Variants in ASPM observed in about 807,000 individuals in gnomAD.
ASPM encodes the protein assembly factor for spindle microtubules.
In ASPM, 256 loss-of-function variants were observed where a neutral mutation model predicts 366.4. The ratio of observed to expected loss-of-function variants is 0.70; its 90% CI spans 0.63 to 0.77. The LOEUF is 0.77. Among genes scored for constraint, ASPM ranks in the 30% least tolerant of loss-of-function variants. The probability of loss-of-function intolerance (pLI) is 0.00; values close to 1 mark genes in which losing one functional copy is unlikely to be tolerated. For missense variants in ASPM, 4,146 were observed against 4,090.4 expected (o/e 1.01, Z -0.37); for synonymous variants, 1,414 against 1,342.9 (o/e 1.05, Z -1.16).
At chr1:197,105,248 C>CAAAATACTAATTTTTCTAACATTCTGCTT in intron 17 of ASPM, 63 bp from the exon 18 acceptor site, 1 of 1,260,636 alleles carries the variant, frequency 7.9e-7, no homozygotes, top group Non-Finnish European at 1.1e-6. Context: ...TAACACTTTT[C>CAAAATACTAATTTTTCTAACATTCTGCTT]AAAATACTAA....
chr1:197,094,467 G>A (rs1043474529), intron 19 of ASPM, among the ~76,000 whole-genome samples: 13 of 151,678 alleles, frequency 8.6e-5, no homozygotes, highest in African/African-American at 3.1e-4. Context: ...AATAAAGTAT[G>A]GTTACCCAGA....
chr1:197,126,638 TAAGCAA>T (rs1431719905), intron 10 of ASPM, among the ~76,000 whole-genome samples: 2 of 152,142 alleles, frequency 1.3e-5, no homozygotes, highest in Non-Finnish European at 2.9e-5. Flanking sequence ...TGAAATATTT[TAAGCAA>T]AATGATCTTA....
Position 197,122,564 on chromosome 1 carries a change from C to T in ASPM, c.3422G>A (p.Gly1141Asp), listed in dbSNP as rs1231874570. Residue 1141 changes from glycine (G) to aspartate (D), a missense_variant, in exon 14 of 28, where the codon GGC (glycine) becomes GAC (aspartate). Coordinates refer to ENST00000367409, the MANE Select transcript of ASPM (RefSeq NM_018136.5). ...VENFTVSFSDGRVLCYLIHHY... is the reference protein window; with the variant it reads ...VENFTVSFSDDRVLCYLIHHY... ...GTGGATCAGGTAACATAACACACGGCCGTCTGAGAAAGACACTGTAAAATT... is the reference window on the plus strand; with the variant it reads ...GTGGATCAGGTAACATAACACACGGTCGTCTGAGAAAGACACTGTAAAATT... The T allele has an allele frequency of 6.2e-7, 1 of 1,611,170 alleles. No individual in the cohort carries two copies. The highest frequency in any genetic ancestry group is 2.2e-5 in the East Asian group (1 of 44,778).
intron 17 of ASPM, among the ~76,000 whole-genome samples, chr1:197,112,621 C>T (rs1432514287): frequency 6.6e-6 from 1 of 152,074 alleles, no homozygotes; most frequent in African/African-American, 2.4e-5. Context: ...TCTGATGCCT[C>T]CTTTGGAAAG....
rs1658635738 is a variant in ASPM at position 197,142,841 on chromosome 1, T to C, written c.1411A>G (p.Lys471Glu). The stretch of plus-strand genomic sequence containing the variant: ...GAAATATCCTGAACTGCAGAAAATT[T>C]AGGATTATTTTGTTTTATAAAACTG... ...YYSFIKQNNP[K>E]FSAVQDISSH... The change falls in exon 3 of 28, where the codon AAA (lysine) becomes GAA (glutamate). Residue 471 changes from lysine to glutamate, a missense_variant. By Grantham distance (56) the Lys-to-Glu change is moderately conservative (BLOSUM62 1). Coordinates refer to ENST00000367409, the MANE Select transcript of ASPM (RefSeq NM_018136.5). 2 of 1,613,432 alleles carry C rather than the reference T, an allele frequency of 1.2e-6. No individual in the cohort carries two copies. Among genetic ancestry groups the C allele is most frequent in the Non-Finnish European group, 1.7e-6 (2 of 1,179,458 alleles).
At chr1:197,119,937 T>G (rs1243432531) in intron 16 of ASPM, among the ~76,000 whole-genome samples, 3 of 152,120 alleles carry the variant, frequency 2.0e-5, no homozygotes, top group African/African-American at 7.2e-5. Flanking sequence ...CAAGTTAATA[T>G]GTTTAGTAGC....
chr1:197,135,073 T>G (rs1199477707), intron 5 of ASPM, 23 bp downstream of exon 5: 1 of 1,458,040 alleles, frequency 6.9e-7, no homozygotes, highest in African/African-American at 1.4e-5. Flanking sequence ...ATTATTAAAT[T>G]TAAACATTAA....
intron 17 of ASPM, among the ~76,000 whole-genome samples, chr1:197,116,034 G>A (rs1163088240): frequency 6.6e-6 from 1 of 152,166 alleles, no homozygotes; most frequent in East Asian, 1.9e-4. Flanking sequence ...ATAGAAGTCT[G>A]TTTTGTCTAG....
rs998731731 is a variant in ASPM, at chr1:197,084,196, C to A, written c.*128G>T. 1 of 674,520 alleles carries A rather than the reference C, an allele frequency of 1.5e-6. No individual in the cohort carries two copies. The highest frequency in any genetic ancestry group is 1.7e-5 in the South Asian group (1 of 58,220). The allele number at this position is 674,520 out of a possible 1,614,324, so 41.8% of individuals were successfully genotyped here. ...TGATAAAAATGAAGAATGTAATGAACAGTTTATGTTTTTTTAAAACAAAGT... is the reference window on the plus strand; with the variant it reads ...TGATAAAAATGAAGAATGTAATGAAAAGTTTATGTTTTTTTAAAACAAAGT... On this transcript the variant is annotated 3_prime_UTR_variant, in exon 28 of 28. Transcript: ENST00000367409.
intron 19 of ASPM, among the ~76,000 whole-genome samples, chr1:197,095,549 T>C (rs988737211): frequency 2.6e-5 from 4 of 151,696 alleles, no homozygotes; most frequent in Admixed American, 2.0e-4. Flanking sequence ...GGTTGGTAAT[T>C]AGGGTCTTCA....
intron 10 of ASPM, among the ~76,000 whole-genome samples, chr1:197,126,656 C>G (rs1004256815): frequency 6.6e-6 from 1 of 152,088 alleles, no homozygotes; most frequent in African/African-American, 2.4e-5. Context: ...ATGATCTTAG[C>G]TCATATGGAA....
chr1:197,139,042 C>T, intron 4 of ASPM: 1 of 739,224 alleles, frequency 1.4e-6, no homozygotes, highest in Non-Finnish European at 2.5e-6. Flanking sequence ...TTCTTGAAAA[C>T]TAACTGGCTG....
chr1:197,122,063 G>T lies in ASPM; in HGVS notation c.3742-20C>A. ...AACCACCTAAAAAAAACCCACAAAA[G>T]ATAAAAACAGAATATCAACAGAGAA... On this transcript the variant is annotated intron_variant, in intron 15 of 27. Transcript: ENST00000367409. 6.2e-7 allele frequency: 1 copy of T among 1,608,932 alleles called. No individual in the cohort carries two copies. Among genetic ancestry groups the T allele is most frequent in the Non-Finnish European group, 8.5e-7 (1 of 1,176,374 alleles).
chr1:197,103,925 T>C lies in ASPM; in HGVS notation c.5326A>G (p.Lys1776Glu), dbSNP rs1553223646. 4.3e-6 allele frequency: 7 copies of C among 1,612,858 alleles called. No homozygotes were observed. The highest frequency in any genetic ancestry group is 5.9e-6 in the Non-Finnish European group (7 of 1,179,366). Residue 1776 changes from lysine (K) to glutamate (E), a missense_variant, in exon 18 of 28, where the codon AAA becomes GAA. Physicochemically the swap from Lys to Glu is moderately conservative, Grantham distance 56. Coordinates refer to ENST00000367409, the MANE Select transcript of ASPM (RefSeq NM_018136.5). ...KARQYYLKMYKAIIVIQNYYH... is the reference protein window; with the variant it reads ...KARQYYLKMYEAIIVIQNYYH... ...TAATTCTGAATGACAATAATTGCTT[T>C]ATACATTTTCAGATAATACTGCCGA...
intron 17 of ASPM, among the ~76,000 whole-genome samples, chr1:197,116,255 T>C (rs996528643): frequency 6.6e-6 from 1 of 152,176 alleles, no homozygotes; most frequent in Admixed American, 6.5e-5. Context: ...TTCGTAGAAC[T>C]GAATAGAGTT....
In ASPM at chr1:197,104,708, G is replaced by C; in HGVS notation, c.4543C>G (p.Leu1515Val). 1 of 1,611,876 alleles carries C rather than the reference G, an allele frequency of 6.2e-7. No individual in the cohort carries two copies. Among genetic ancestry groups the C allele is most frequent in the Non-Finnish European group, 8.5e-7 (1 of 1,179,094 alleles). ...KLYKRRKESI[L>V]TIQKYYKAYL... ...GCTTTGTAGTACTTCTGGATGGTTA[G>C]TATGGACTCTTTTCTTCTTTTATAT... The change falls in exon 18 of 28, where the codon CTA (leucine) becomes GTA (valine). Residue 1515 changes from leucine (L) to valine (V), a missense_variant. Coordinates refer to ENST00000367409, the MANE Select transcript of ASPM (RefSeq NM_018136.5).
chr1:197,104,101 A>T lies in ASPM; in HGVS notation c.5150T>A (p.Ile1717Lys). The change falls in exon 18 of 28, where the codon ATA becomes AAA. Residue 1717 changes from isoleucine (I) to lysine (K), a missense_variant. Transcript: ENST00000367409. ...FIQQCYRSKK[I>K]AAQKREEYMQ... ...ATACTCTTCTCTCTTTTGTGCAGCT[A>T]TTTTTTTGGAACGGTAACATTGCTG... 1 of 1,612,900 alleles carries T rather than the reference A, an allele frequency of 6.2e-7. No individual in the cohort carries two copies. Among genetic ancestry groups the T allele is most frequent in the Non-Finnish European group, 8.5e-7 (1 of 1,179,396 alleles).
At chr1:197,099,542 A>G (rs1244145962) in intron 18 of ASPM, among the ~76,000 whole-genome samples, 1 of 151,604 alleles carries the variant, frequency 6.6e-6, no homozygotes, top group Non-Finnish European at 1.5e-5. Context: ...GACTAGCTTG[A>G]TTTCCCATTC....
chr1:197,086,441 G>A (rs943436108), intron 27 of ASPM, among the ~76,000 whole-genome samples: 3 of 152,236 alleles, frequency 2.0e-5, no homozygotes, highest in Admixed American at 2.0e-4. Flanking sequence ...GAGGACTGGA[G>A]GTTGATATTT....
Sources: allele counts gnomAD v4.1 joint callset (sites outside exome capture counted in the v4.1 genomes callset), GRCh38; gene constraint gnomAD v4.1.1; transcripts MANE v1.5; gene names NCBI Gene and HGNC (gene_info 2026-07-23, HGNC 2026-07-21).